The following PMM2 variants were observed in gnomAD, a reference collection of about 807,000 sequenced individuals.
PMM2 encodes mannose-6-phosphate isomerase.
PMM2 carries 35 observed loss-of-function variants against 33.2 expected under a neutral mutation model. The observed-to-expected ratio is 1.06, with a 90% CI of 0.81 to 1.40. The LOEUF (loss-of-function observed/expected upper bound fraction) is 1.40, where lower values mean the gene tolerates loss of function less well. PMM2 is among the 40% of genes most tolerant of loss of function. PMM2 has a pLI of 0.00. For synonymous variants in PMM2, 153 were observed against 114.7 expected (o/e 1.33, Z -2.13); for missense variants, 386 against 306.0 (o/e 1.26, Z -1.95).
intron 6 of PMM2, among the ~76,000 whole-genome samples, 194 bp downstream of exon 6, chr16:8,811,907 A>G (rs936663170): frequency 4.6e-5 from 7 of 152,246 alleles, no homozygotes; most frequent in African/African-American, 1.7e-4. Context: ...TTGCCTAGTC[A>G]AGAAACAGCT....
intron 7 of PMM2, chr16:8,832,397 T>TAAGTGTCA: frequency 1.0e-6 from 1 of 985,346 alleles, no homozygotes; most frequent in Non-Finnish European, 1.2e-6. Flanking sequence ...CTAGCTTTAT[T>TAAGTGTCA]AAGTGTCAGC....
intron 1 of PMM2, among the ~76,000 whole-genome samples, chr16:8,799,045 A>G (rs1377440063): frequency 6.6e-6 from 1 of 152,226 alleles, no homozygotes. Flanking sequence ...ATAGTGGTCT[A>G]AAACTCCGGT....
chr16:8,841,608 A>G (rs1441790804), intron 7 of PMM2, among the ~76,000 whole-genome samples: 16 of 147,426 alleles, frequency 1.1e-4, no homozygotes, highest in East Asian at 2.0e-4. Flanking sequence ...GAGGCGGGCT[A>G]GTGGCTTGTA....
intron 6 of PMM2, 130 bp downstream of exon 6, chr16:8,811,843 T>C (rs540561402): frequency 9.7e-6 from 7 of 724,068 alleles, no homozygotes; most frequent in South Asian, 5.9e-5. Flanking sequence ...AGCAGTCCAG[T>C]CTATAGACAA....
chr16:8,818,275 G>T (rs554764830), intron 7 of PMM2, among the ~76,000 whole-genome samples: 1 of 152,218 alleles, frequency 6.6e-6, no homozygotes, highest in Non-Finnish European at 1.5e-5. Context: ...GCAGAGGCAC[G>T]TTGGGTGGTT....
intron 1 of PMM2, 88 bp from the exon 2 acceptor site, chr16:8,801,711 G>A (rs2060617279): frequency 2.4e-6 from 2 of 818,406 alleles, no homozygotes; most frequent in Non-Finnish European, 4.0e-6. Context: ...AAGAAAATAA[G>A]ACTTATGTAC....
chr16:8,843,462 G>T (rs920866472), intron 7 of PMM2, among the ~76,000 whole-genome samples: 1 of 152,146 alleles, frequency 6.6e-6, no homozygotes, highest in African/African-American at 2.4e-5. Context: ...GTGGGGTCCC[G>T]CACAGATGGG....
chr16:8,835,153 A>G (rs182582158), intron 7 of PMM2, among the ~76,000 whole-genome samples: 6,668 of 149,398 alleles, frequency 0.045, 170 homozygotes, highest in Middle Eastern at 0.13. Flanking sequence ...CAGTAAGGTC[A>G]AGTTGTTTGG....
intron 7 of PMM2, among the ~76,000 whole-genome samples, chr16:8,821,964 TCTC>T (rs1172418737): frequency 6.6e-6 from 1 of 152,188 alleles, no homozygotes; most frequent in Non-Finnish European, 1.5e-5. Flanking sequence ...CCCAACAGGT[TCTC>T]CTTGCCCACT....
intron 7 of PMM2, among the ~76,000 whole-genome samples, chr16:8,821,416 G>A (rs1554895): frequency 0.9 from 136,458 of 152,226 alleles, 61,538 homozygotes; most frequent in East Asian, 0.97. Flanking sequence ...GTTGGTCCCA[G>A]GAATAGGACT....
chr16:8,824,098 T>A (rs962683208), intron 7 of PMM2, among the ~76,000 whole-genome samples: 2 of 152,224 alleles, frequency 1.3e-5, no homozygotes, highest in African/African-American at 4.8e-5. Context: ...ATGCTCTAAA[T>A]TTTGCTCACA....
intron 7 of PMM2, among the ~76,000 whole-genome samples, chr16:8,816,498 T>C (rs979864846): frequency 1.3e-5 from 2 of 151,548 alleles, no homozygotes; most frequent in African/African-American, 4.8e-5. Flanking sequence ...CCCAGCACTT[T>C]GGGAGGCCAA....
chr16:8,828,547 A>C (rs2060791774), intron 7 of PMM2, among the ~76,000 whole-genome samples: 1 of 152,198 alleles, frequency 6.6e-6, no homozygotes, highest in Admixed American at 6.5e-5. Context: ...CAGACCAGCT[A>C]CCGACATGAA....
intron 7 of PMM2, among the ~76,000 whole-genome samples, chr16:8,830,405 T>G (rs900702278): frequency 6.6e-5 from 10 of 152,218 alleles, no homozygotes; most frequent in African/African-American, 2.4e-4. Flanking sequence ...GTTTTATTAT[T>G]ACTCAAATCA....
At chr16:8,833,507 G>A (rs1304778541) in intron 7 of PMM2, among the ~76,000 whole-genome samples, 1 of 151,978 alleles carries the variant, frequency 6.6e-6, no homozygotes, top group Non-Finnish European at 1.5e-5. Context: ...ATAAAATAGT[G>A]TTGAAGTGTT....
intron 7 of PMM2, among the ~76,000 whole-genome samples, chr16:8,820,351 C>CTTTTTTTTTTT (rs545958069): frequency 0.033 from 4,321 of 132,560 alleles, 251 homozygotes; most frequent in African/African-American, 0.1. Context: ...CACAGTTCTT[C>CTTTTTTTTTTT]TTTTTTTTTT....
intron 7 of PMM2, among the ~76,000 whole-genome samples, chr16:8,817,113 C>T (rs1485406076): frequency 6.6e-6 from 1 of 152,164 alleles, no homozygotes; most frequent in Non-Finnish European, 1.5e-5. Context: ...GTGTGCTTTC[C>T]ACTACGATAA....
intron 7 of PMM2, among the ~76,000 whole-genome samples, chr16:8,845,904 C>G (rs898218785): frequency 1.3e-5 from 2 of 151,952 alleles, no homozygotes; most frequent in Non-Finnish European, 2.9e-5. Flanking sequence ...TTCGCTCGAG[C>G]CCAGCCTGGG....
At chr16:8,803,589 C>G (rs1382588543) in intron 2 of PMM2, among the ~76,000 whole-genome samples, 1 of 152,186 alleles carries the variant, frequency 6.6e-6, no homozygotes, top group Admixed American at 6.5e-5. Context: ...TAACAGGTAC[C>G]TGAAGTTTGA....
Sources: allele counts gnomAD v4.1 joint callset (sites outside exome capture counted in the v4.1 genomes callset), GRCh38; gene constraint gnomAD v4.1.1; transcripts MANE v1.5; gene names NCBI Gene and HGNC (gene_info 2026-07-23, HGNC 2026-07-21).